UBE2E2: variants seen among roughly 807,000 people sequenced by gnomAD.
UBE2E2 encodes ubiquitin-conjugating enzyme E2 E2.
UBE2E2 carries 6 observed loss-of-function variants against 24.7 expected under a neutral mutation model. The ratio of observed to expected loss-of-function variants is 0.24; its 90% CI spans 0.13 to 0.48. The LOEUF is 0.48. Among genes scored for constraint, UBE2E2 ranks in the 20% least tolerant of loss-of-function variants. UBE2E2 has a pLI of 0.99. For synonymous variants in UBE2E2, 104 were observed against 83.6 expected, an observed-to-expected ratio of 1.24 and a Z score of -1.33; for missense variants, 169 against 245.0, an observed-to-expected ratio of 0.69 and a Z score of 2.07.
At chr3:23,299,458 T>C (rs1444211374) in intron 3 of UBE2E2, among the ~76,000 whole-genome samples, 1 of 152,132 alleles carries the variant, frequency 6.6e-6, no homozygotes, top group African/African-American at 2.4e-5. Flanking sequence ...GCTTTGAATG[T>C]GTCCCAGAGA....
At chr3:23,399,208 A>G (rs749206413) in intron 3 of UBE2E2, among the ~76,000 whole-genome samples, 65 of 152,344 alleles carry the variant, frequency 4.3e-4, no homozygotes, top group Middle Eastern at 3.4e-3. Context: ...TCAAGTTAAG[A>G]ACGTTTATCT....
At chr3:23,220,990 G>T (rs1176602397) in intron 3 of UBE2E2, among the ~76,000 whole-genome samples, 1 of 152,164 alleles carries the variant, frequency 6.6e-6, no homozygotes, top group Non-Finnish European at 1.5e-5. Context: ...AGGATAACTT[G>T]CTCCTCTGTA....
Position 23,257,032 on chromosome 3 carries a change from C to T in UBE2E2, c.227+39720C>T, listed in dbSNP as rs150038033. ...ACTGGCACCAACATATTCATTTCTC[C>T]CCTTTGCTACTTCAGGTCTTGAGAA... is the stretch of plus-strand genomic sequence containing the variant. On this transcript the variant is annotated intron_variant, in intron 3 of 5. Transcript: ENST00000396703. Among the ~76,000 whole-genome samples the T allele has an allele frequency of 2.3e-3, 357 of 152,314 alleles. 3 individuals are homozygous for T. Among genetic ancestry groups the T allele is most frequent in the African/African-American group, 8.2e-3 (341 of 41,564 alleles).
At chr3:23,396,229 T>A (rs1697070236) in intron 3 of UBE2E2, among the ~76,000 whole-genome samples, 2 of 150,254 alleles carry the variant, frequency 1.3e-5, no homozygotes, top group South Asian at 4.2e-4. Context: ...TAGAATATCT[T>A]AAGAATGGAT....
intron 3 of UBE2E2, among the ~76,000 whole-genome samples, chr3:23,221,343 A>G (rs1305684815): frequency 6.6e-6 from 1 of 152,144 alleles, no homozygotes; most frequent in African/African-American, 2.4e-5. Flanking sequence ...TTATACTTTT[A>G]GGTTTTTAGT....
chr3:23,396,026 G>A (rs559726550), intron 3 of UBE2E2, among the ~76,000 whole-genome samples: 26 of 151,900 alleles, frequency 1.7e-4, no homozygotes, highest in South Asian at 6.2e-4. Flanking sequence ...CAACAAATGC[G>A]TCTTCAAATT....
At chr3:23,367,888 T>C (rs575975671) in intron 3 of UBE2E2, among the ~76,000 whole-genome samples, 4 of 152,278 alleles carry the variant, frequency 2.6e-5, no homozygotes, top group East Asian at 1.9e-4. Context: ...CACTGCAGAA[T>C]TGATTGCTTG....
chr3:23,374,898 A>C (rs1257353597), intron 3 of UBE2E2, among the ~76,000 whole-genome samples: 6 of 152,134 alleles, frequency 3.9e-5, no homozygotes, highest in Non-Finnish European at 8.8e-5. Flanking sequence ...GCTCCCAAGT[A>C]ACTGGGATTA....
chr3:23,449,923 CT>C (rs1314432835), intron 3 of UBE2E2: 2 of 985,284 alleles, frequency 2.0e-6, no homozygotes, highest in African/African-American at 1.7e-5. Flanking sequence ...ACCCCTCCCC[CT>C]AGTGAGGAAA....
At chr3:23,482,635 G>A (rs529336345) in intron 3 of UBE2E2, among the ~76,000 whole-genome samples, 1 of 152,106 alleles carries the variant, frequency 6.6e-6, no homozygotes, top group African/African-American at 2.4e-5. Context: ...TCTGAAATCT[G>A]TGCCTGTCAT....
chr3:23,281,779 A>G (rs906921588), intron 3 of UBE2E2, among the ~76,000 whole-genome samples: 1 of 152,268 alleles, frequency 6.6e-6, no homozygotes, highest in Non-Finnish European at 1.5e-5. Flanking sequence ...ATTCGCAGTA[A>G]TATTAGAAAT....
intron 3 of UBE2E2, among the ~76,000 whole-genome samples, chr3:23,460,016 T>A (rs1249657279): frequency 6.6e-6 from 1 of 152,164 alleles, no homozygotes; most frequent in East Asian, 1.9e-4. Flanking sequence ...CTTGTCTCTG[T>A]TTTCCAAATG....
At chr3:23,507,747 T>C (rs908418328) in intron 4 of UBE2E2, among the ~76,000 whole-genome samples, 1 of 152,190 alleles carries the variant, frequency 6.6e-6, no homozygotes, top group Non-Finnish European at 1.5e-5. Flanking sequence ...ATTAATTATA[T>C]CACATTATTC....
At chr3:23,301,775 C>T (rs981308309) in intron 3 of UBE2E2, among the ~76,000 whole-genome samples, 1 of 149,822 alleles carries the variant, frequency 6.7e-6, no homozygotes, top group Non-Finnish European at 1.5e-5. Context: ...AGATCTCCAG[C>T]TGCGTGCTGG....
At chr3:23,365,174 A>T (rs1319609684) in intron 3 of UBE2E2, among the ~76,000 whole-genome samples, 1 of 152,202 alleles carries the variant, frequency 6.6e-6, no homozygotes, top group Admixed American at 6.5e-5. Flanking sequence ...ATCATACTGA[A>T]TGGGCAAAAG....
intron 5 of UBE2E2, among the ~76,000 whole-genome samples, chr3:23,559,116 T>C (rs1204936635): frequency 6.6e-6 from 1 of 152,184 alleles, no homozygotes; most frequent in African/African-American, 2.4e-5. Flanking sequence ...TTTTGACAGA[T>C]TAAAAATAAC....
At position 23,530,103 on chromosome 3, in the gene UBE2E2, G is replaced by A. The variant is rs1303170017; in HGVS notation, c.361-2451G>A. On this transcript the variant is annotated intron_variant, in intron 4 of 5. Transcript: ENST00000396703. ...CATATGATAGGGGGATCTTTTATAT[G>A]TAGATTCTGACTTTACATTATGGTC... is the stretch of plus-strand genomic sequence containing the variant. 5.3e-5 allele frequency among the ~76,000 whole-genome samples: 8 copies of A among 152,264 alleles called. No homozygotes were observed. The South Asian group carries it at 1.7e-3, about 32-fold the overall frequency.
intron 3 of UBE2E2, among the ~76,000 whole-genome samples, chr3:23,270,316 G>A (rs1469418881): frequency 2.6e-5 from 4 of 152,054 alleles, no homozygotes; most frequent in African/African-American, 9.7e-5. Flanking sequence ...TTGCCTTTGG[G>A]TGCCATGCAT....
At position 23,407,833 on chromosome 3, in the gene UBE2E2, A is replaced by G. The variant is rs1465678735; in HGVS notation, c.228-91775A>G. 6.6e-6 allele frequency among the ~76,000 whole-genome samples: 1 copy of G among 152,118 alleles called. No homozygotes were observed. Among genetic ancestry groups the G allele is most frequent in the East Asian group, 1.9e-4 (1 of 5,196 alleles). The stretch of plus-strand genomic sequence containing the variant: ...AATAGTTACCAATAATATAGGAAAT[A>G]TAAAAAATTCTGTTTCCCAAAGATT... On this transcript the variant is annotated intron_variant, in intron 3 of 5. Coordinates refer to ENST00000396703, the MANE Select transcript of UBE2E2 (RefSeq NM_152653.4). The surrounding 1 kb of genome is among the most constrained non-coding windows in gnomAD (Gnocchi z 4.0).
Sources: allele counts gnomAD v4.1 joint callset (sites outside exome capture counted in the v4.1 genomes callset), GRCh38; gene constraint gnomAD v4.1.1; non-coding constraint Gnocchi (gnomAD v3.1); transcripts MANE v1.5; gene names NCBI Gene and HGNC (gene_info 2026-07-23, HGNC 2026-07-21).